PCDHGB3: variants seen among roughly 807,000 people sequenced by gnomAD.
The protein encoded by PCDHGB3 is protocadherin gamma subfamily B, 3.
Under a neutral mutation model 59.2 loss-of-function variants are expected in PCDHGB3, and 40 were observed. The observed-to-expected ratio is 0.68, with a 90% CI of 0.52 to 0.88. The LOEUF (loss-of-function observed/expected upper bound fraction) is 0.88, where lower values mean the gene tolerates loss of function less well. Ranked by LOEUF, PCDHGB3 falls within the 40% of genes least tolerant of loss-of-function variation. The pLI is 0.00. For missense variants in PCDHGB3, 1,309 were observed against 1,187.9 expected, an observed-to-expected ratio of 1.10 and a Z score of -1.50; for synonymous variants, 581 against 503.6, an observed-to-expected ratio of 1.15 and a Z score of -2.06.
rs201006002 is a variant in PCDHGB3, at chr5:141,432,497, C to G, written c.2415+59688C>G. Reference sequence around the variant, plus strand: ...TTCCACTGGCGTGGAGCTGGCTCCCCGCTCCGCAGAGCCCGGCTACCTGGT... The same window carrying G: ...TTCCACTGGCGTGGAGCTGGCTCCCGGCTCCGCAGAGCCCGGCTACCTGGT... On this transcript the variant is annotated intron_variant, in intron 1 of 3. Transcript: ENST00000576222. This position sits in a 1 kb window ranked among gnomAD's most constrained non-coding sequence, Gnocchi z 6.0. The G allele has an allele frequency of 1.1e-5, 18 of 1,614,182 alleles. No homozygotes were observed. In the East Asian group the frequency reaches 4.0e-4, roughly 36 times the overall value.
chr5:141,425,057 C>T (rs926732426), intron 1 of PCDHGB3, among the ~76,000 whole-genome samples: 4 of 152,026 alleles, frequency 2.6e-5, no homozygotes, highest in African/African-American at 4.8e-5. Flanking sequence ...ATCTAGGGCT[C>T]GGACAAAAAT....
At chr5:141,383,926 A>T in intron 1 of PCDHGB3, 1 of 1,613,888 alleles carries the variant, frequency 6.2e-7, no homozygotes. Flanking sequence ...TGTAAATGAT[A>T]ATGCTCCAGA....
intron 1 of PCDHGB3, among the ~76,000 whole-genome samples, chr5:141,439,537 C>T (rs1404605731): frequency 6.6e-6 from 1 of 152,206 alleles, no homozygotes; most frequent in African/African-American, 2.4e-5. Flanking sequence ...GAACGCTGTC[C>T]TCTCATTTCT....
At chr5:141,376,572 A>C (rs776986338) in intron 1 of PCDHGB3, 1 of 1,600,622 alleles carries the variant, frequency 6.2e-7, no homozygotes, top group South Asian at 1.1e-5. Context: ...CTAATCAGAC[A>C]GGCTCATCAG....
intron 1 of PCDHGB3, chr5:141,410,167 T>C (rs372848702): frequency 6.2e-7 from 1 of 1,613,652 alleles, no homozygotes; most frequent in African/African-American, 1.3e-5. Context: ...CGCCACTCTC[T>C]GCCACCGCCA....
At chr5:141,400,303 G>T (rs2094000375) in intron 1 of PCDHGB3, 1 of 1,613,908 alleles carries the variant, frequency 6.2e-7, no homozygotes, top group Non-Finnish European at 8.5e-7. Context: ...CTTCCAACCT[G>T]GTCTCTGTGT....
chr5:141,509,148 C>T (rs1345910772), intron 3 of PCDHGB3, among the ~76,000 whole-genome samples: 1 of 152,198 alleles, frequency 6.6e-6, no homozygotes, highest in Non-Finnish European at 1.5e-5. Context: ...CATCCCGGCT[C>T]TCCCCTCCCG....
At chr5:141,376,354 C>G in intron 1 of PCDHGB3, 1 of 1,614,208 alleles carries the variant, frequency 6.2e-7, no homozygotes, top group South Asian at 1.1e-5. Context: ...CCCACGAGGT[C>G]TCACTCACTG....
chr5:141,422,150 T>C (rs773805631), intron 1 of PCDHGB3: 23 of 1,577,056 alleles, frequency 1.5e-5, no homozygotes, highest in Non-Finnish European at 1.8e-5. Context: ...CGGGGGTCTC[T>C]GGATTTTGAA....
chr5:141,431,879 C>T lies in PCDHGB3; in HGVS notation c.2415+59070C>T. 1 of 1,614,162 alleles carries T rather than the reference C, an allele frequency of 6.2e-7. No individual in the cohort carries two copies. The highest frequency in any genetic ancestry group is 8.5e-7 in the Non-Finnish European group (1 of 1,179,970). ...AATTGCCCTTTTAAATGTAAATGAC[C>T]AAGATTCTGAGGAAAACGGACAGGT... On this transcript the variant is annotated intron_variant, in intron 1 of 3. Coordinates refer to ENST00000576222, the MANE Select transcript of PCDHGB3 (RefSeq NM_018924.5). The surrounding 1 kb of genome is among the most constrained non-coding windows in gnomAD (Gnocchi z 4.8).
At chr5:141,403,501 G>A in intron 1 of PCDHGB3, 1 of 1,614,048 alleles carries the variant, frequency 6.2e-7, no homozygotes, top group South Asian at 1.1e-5. Context: ...TGAACGTGCA[G>A]ACTGGAGACA....
chr5:141,478,101 T>G, intron 1 of PCDHGB3: 1 of 1,614,018 alleles, frequency 6.2e-7, no homozygotes, highest in Middle Eastern at 1.6e-4. Flanking sequence ...ACTGCTACCC[T>G]CACTGTGTCA....
intron 1 of PCDHGB3, chr5:141,430,973 A>G: frequency 6.2e-7 from 1 of 1,613,266 alleles, no homozygotes; most frequent in East Asian, 2.2e-5. Flanking sequence ...CAGAGGTAGG[A>G]CGCAGCTTTT....
Position 141,489,968 on chromosome 5 carries a change from A to G in PCDHGB3, c.2416-4839A>G. 6.2e-7 allele frequency: 1 copy of G among 1,614,146 alleles called. No homozygotes were observed. The highest frequency in any genetic ancestry group is 2.2e-5 in the East Asian group (1 of 44,880). On this transcript the variant is annotated intron_variant, in intron 1 of 3. Coordinates refer to ENST00000576222, the MANE Select transcript of PCDHGB3 (RefSeq NM_018924.5). This position sits in a 1 kb window ranked among gnomAD's most constrained non-coding sequence, Gnocchi z 4.5. Reference sequence around the variant, plus strand: ...ATCAATGATAATGCTCCAACCTTCCAATCCTCAGTTCTACGTGTGGGAATC... The same window carrying G: ...ATCAATGATAATGCTCCAACCTTCCGATCCTCAGTTCTACGTGTGGGAATC...
At chr5:141,378,896 TTCTGTTA>T (rs1377436714) in intron 1 of PCDHGB3, 1 of 152,242 alleles carries the variant, frequency 6.6e-6, no homozygotes, top group Non-Finnish European at 1.5e-5. Context: ...AGATAGGAGA[TTCTGTTA>T]TCGACAGTCT....
At chr5:141,388,655 G>A (rs375260597) in intron 1 of PCDHGB3, 1 of 1,613,808 alleles carries the variant, frequency 6.2e-7, no homozygotes, top group Non-Finnish European at 8.5e-7. Flanking sequence ...ACGTGTACCC[G>A]GGGACCACGG....
chr5:141,422,987 A>AG, intron 1 of PCDHGB3: 1 of 1,614,168 alleles, frequency 6.2e-7, no homozygotes. Context: ...GAACCTGGCT[A>AG]CCTGGTGACC....
At chr5:141,406,827 A>G (rs2094856328) in intron 1 of PCDHGB3, among the ~76,000 whole-genome samples, 1 of 152,242 alleles carries the variant, frequency 6.6e-6, no homozygotes, top group South Asian at 2.1e-4. Context: ...CTAGAAATGA[A>G]CTTGCATATC....
At position 141,431,307 on chromosome 5, in the gene PCDHGB3, A is replaced by G. The variant is rs1332508283; in HGVS notation, c.2415+58498A>G. On this transcript the variant is annotated intron_variant, in intron 1 of 3. Transcript: ENST00000576222. This position sits in a 1 kb window ranked among gnomAD's most constrained non-coding sequence, Gnocchi z 4.8. ...AACACTCACTTCTCCCTCATCGTGC[A>G]AAATGGAGCCGACGGTAGTAAGTAC... 3.7e-6 allele frequency: 6 copies of G among 1,614,002 alleles called. No homozygotes were observed. The African/African-American group carries it at 4.0e-5, about 11-fold the overall frequency.
Sources: gnomAD v4.1 joint callset for allele counts (sites outside exome capture counted in the v4.1 genomes callset) on GRCh38, gnomAD v4.1.1 for gene constraint, Gnocchi (gnomAD v3.1) non-coding constraint, MANE v1.5 for transcripts, NCBI Gene and HGNC (gene_info 2026-07-23, HGNC 2026-07-21) for gene names.